The following MBOAT2 variants were observed in gnomAD, a reference collection of about 807,000 sequenced individuals.
MBOAT2 encodes the protein membrane bound glycerophospholipid O-acyltransferase 2.
Under a neutral mutation model 63.4 loss-of-function variants are expected in MBOAT2, and 28 were observed. The observed-to-expected ratio is 0.44, with a 90% CI of 0.33 to 0.61. The LOEUF is 0.61. Among genes scored for constraint, MBOAT2 ranks in the 20% least tolerant of loss-of-function variants. The pLI is 0.03. For synonymous variants in MBOAT2, 211 were observed against 215.6 expected, an observed-to-expected ratio of 0.98 and a Z score of 0.19; for missense variants, 470 against 605.8, an observed-to-expected ratio of 0.78 and a Z score of 2.35.
intron 3 of MBOAT2, 28 bp from the exon 4 acceptor site, chr2:8,908,744 T>G: frequency 7.4e-7 from 1 of 1,348,880 alleles, no homozygotes; most frequent in Non-Finnish European, 1.1e-6. Context: ...GCTACATTAA[T>G]GAAAATAAGA....
rs1164099726 is a variant in MBOAT2 at position 8,854,992 on chromosome 2, G to A, written c.*3687C>T. The A allele has an allele frequency of 6.6e-6, 1 of 152,202 alleles. No homozygotes were observed. Among genetic ancestry groups the A allele is most frequent in the Non-Finnish European group, 1.5e-5 (1 of 68,032 alleles). 9.4% of individuals were successfully genotyped at this position (152,202 alleles called of 1,614,324 possible). A position where few individuals can be genotyped will look rare whatever the true frequency, so the allele number is the denominator to read the frequency against. The stretch of plus-strand genomic sequence containing the variant: ...AGCACAGAAACCAACAAAGCAGAGA[G>A]AGCAAAAGGAAAACATGTTTTCTTC... On this transcript the variant is annotated 3_prime_UTR_variant, in exon 13 of 13. Coordinates refer to ENST00000305997, the MANE Select transcript of MBOAT2 (RefSeq NM_138799.4).
At chr2:8,950,062 T>C (rs935924900) in intron 2 of MBOAT2, among the ~76,000 whole-genome samples, 2 of 152,110 alleles carry the variant, frequency 1.3e-5, no homozygotes, top group Non-Finnish European at 2.9e-5. Context: ...TCCTAGGTAT[T>C]TTTTTTTCTG....
chr2:8,982,133 T>C (rs980272616), intron 1 of MBOAT2, among the ~76,000 whole-genome samples: 3 of 152,120 alleles, frequency 2.0e-5, no homozygotes, highest in Admixed American at 2.0e-4. Context: ...TGGCAGGGTC[T>C]CAATACAGTA....
intron 1 of MBOAT2, among the ~76,000 whole-genome samples, chr2:8,995,590 ATTT>A (rs34038834): frequency 4.5e-5 from 6 of 134,394 alleles, no homozygotes; most frequent in Admixed American, 7.4e-5. Flanking sequence ...AATACATTCC[ATTT>A]TTTTTTTTTT....
chr2:8,884,604 T>C (rs1331049360), intron 5 of MBOAT2, among the ~76,000 whole-genome samples: 1 of 152,210 alleles, frequency 6.6e-6, no homozygotes, highest in Non-Finnish European at 1.5e-5. Flanking sequence ...TAGCCTTCTT[T>C]GTGATTTCAA....
At chr2:8,885,702 G>A (rs910734904) in intron 5 of MBOAT2, among the ~76,000 whole-genome samples, 1 of 152,176 alleles carries the variant, frequency 6.6e-6, no homozygotes, top group African/African-American at 2.4e-5. Context: ...AGCCAGAAAG[G>A]CAAGCAGGCT....
intron 6 of MBOAT2, among the ~76,000 whole-genome samples, chr2:8,880,391 G>A (rs1382679114): frequency 3.3e-5 from 5 of 152,216 alleles, no homozygotes; most frequent in Admixed American, 3.3e-4. Flanking sequence ...CTAACTGGGT[G>A]AAAATGGTGG....
At chr2:8,902,820 G>C (rs1404892305) in intron 4 of MBOAT2, among the ~76,000 whole-genome samples, 1 of 152,226 alleles carries the variant, frequency 6.6e-6, no homozygotes, top group African/African-American at 2.4e-5. Flanking sequence ...TTATTGTGAA[G>C]AGCAAAAGAA....
intron 1 of MBOAT2, among the ~76,000 whole-genome samples, chr2:8,981,667 G>A (rs567477402): frequency 1.3e-5 from 2 of 152,080 alleles, no homozygotes; most frequent in Non-Finnish European, 2.9e-5. Context: ...AGGGCAGTGG[G>A]ATAAAGAGGG....
rs1661089548 is a variant in MBOAT2 at position 8,856,405 on chromosome 2, C to A, written c.*2274G>T. The A allele has an allele frequency of 6.6e-6, 1 of 151,948 alleles. No homozygotes were observed. Among genetic ancestry groups the A allele is most frequent in the African/African-American group, 2.4e-5 (1 of 41,378 alleles). The allele number at this position is 151,948 out of a possible 1,614,324, so 9.4% of individuals were successfully genotyped here. A position where few individuals can be genotyped will look rare whatever the true frequency, so the allele number is the denominator to read the frequency against. ...TCACTTATGACATGCCTGAACCTGT[C>A]TTTTAAATTCTTAATTTGTTCACTT... is the stretch of plus-strand genomic sequence containing the variant. On this transcript the variant is annotated 3_prime_UTR_variant, in exon 13 of 13. Coordinates refer to ENST00000305997, the MANE Select transcript of MBOAT2 (RefSeq NM_138799.4). This position sits in a 1 kb window ranked among gnomAD's most constrained non-coding sequence, Gnocchi z 4.2.
intron 5 of MBOAT2, among the ~76,000 whole-genome samples, chr2:8,887,640 T>C (rs1663656093): frequency 6.6e-6 from 1 of 152,210 alleles, no homozygotes; most frequent in Non-Finnish European, 1.5e-5. Flanking sequence ...TGAATGTGTG[T>C]ATATCAAGGA....
chr2:8,896,821 C>T (rs1664513138), intron 4 of MBOAT2, among the ~76,000 whole-genome samples: 2 of 152,182 alleles, frequency 1.3e-5, no homozygotes, highest in African/African-American at 4.8e-5. Flanking sequence ...TCCTTAATCG[C>T]CTGGGAGGAA....
At chr2:8,899,316 C>T (rs1664736428) in intron 4 of MBOAT2, among the ~76,000 whole-genome samples, 1 of 152,174 alleles carries the variant, frequency 6.6e-6, no homozygotes, top group Non-Finnish European at 1.5e-5. Flanking sequence ...GTGAAAAGAG[C>T]CAAGTCTCCC....
chr2:8,925,885 A>C (rs913329628), intron 3 of MBOAT2, among the ~76,000 whole-genome samples: 2 of 152,242 alleles, frequency 1.3e-5, no homozygotes, highest in African/African-American at 4.8e-5. Flanking sequence ...AAATAACGGT[A>C]CATCTTACCA....
At chr2:8,963,167 G>C (rs748891122) in intron 1 of MBOAT2, among the ~76,000 whole-genome samples, 1 of 151,826 alleles carries the variant, frequency 6.6e-6, no homozygotes, top group Non-Finnish European at 1.5e-5. Flanking sequence ...GAGCCTTGGA[G>C]GTCAAGGTTG....
chr2:8,908,620 C>T lies in MBOAT2; in HGVS notation c.395+1G>A. 1.3e-6 allele frequency: 2 copies of T among 1,569,624 alleles called. No individual in the cohort carries two copies. The highest frequency in any genetic ancestry group is 1.7e-6 in the Non-Finnish European group (2 of 1,145,680). Reference sequence around the variant, plus strand: ...CTACTGAATCAAAGTTTTCATCTTACCCTGAAAAATCAGCAGAATATTGTC... The same window carrying T: ...CTACTGAATCAAAGTTTTCATCTTATCCTGAAAAATCAGCAGAATATTGTC... On this transcript the variant is annotated splice_donor_variant, in intron 4 of 12. Coordinates refer to ENST00000305997, the MANE Select transcript of MBOAT2 (RefSeq NM_138799.4). LOFTEE classifies it high-confidence loss of function.
At chr2:8,978,096 T>C (rs555833765) in intron 1 of MBOAT2, among the ~76,000 whole-genome samples, 7 of 152,206 alleles carry the variant, frequency 4.6e-5, no homozygotes, top group African/African-American at 1.7e-4. Context: ...TTCTACAGAC[T>C]GCCATGATTA....
chr2:8,899,640 A>G (rs1664762823), intron 4 of MBOAT2, among the ~76,000 whole-genome samples: 1 of 152,222 alleles, frequency 6.6e-6, no homozygotes, highest in Admixed American at 6.5e-5. Context: ...TTGCCACTGC[A>G]TAGCGGACAT....
chr2:8,868,425 ACTT>A lies in MBOAT2; in HGVS notation c.987+18_987+20del. ...TGGTACTTAAAGTATATAGTAACTA[ACTT>A]CTTAAAGATTGACTCACCTCTATTT... On this transcript the variant is annotated intron_variant, in intron 9 of 12. Transcript: ENST00000305997. 1 of 1,596,942 alleles carries A rather than the reference ACTT, an allele frequency of 6.3e-7. No individual in the cohort carries two copies. The highest frequency in any genetic ancestry group is 8.6e-7 in the Non-Finnish European group (1 of 1,165,432).
Sources: gnomAD v4.1 joint callset for allele counts (sites outside exome capture counted in the v4.1 genomes callset) on GRCh38, gnomAD v4.1.1 for gene constraint, Gnocchi (gnomAD v3.1) non-coding constraint, MANE v1.5 for transcripts, NCBI Gene and HGNC (gene_info 2026-07-23, HGNC 2026-07-21) for gene names.